The following CLSTN2 variants were observed in gnomAD, a reference collection of about 807,000 sequenced individuals.
The protein encoded by CLSTN2 is calsyntenin 2, also known as calsyntenin-2.
A neutral mutation model predicts 101.2 loss-of-function variants in CLSTN2; 48 were observed. The ratio of observed to expected loss-of-function variants is 0.47; its 90% CI spans 0.38 to 0.60. The LOEUF is 0.60. Among genes scored for constraint, CLSTN2 ranks in the 20% least tolerant of loss-of-function variants. The probability of loss-of-function intolerance (pLI) is 0.00; values close to 1 mark genes in which losing one functional copy is unlikely to be tolerated. For synonymous variants in CLSTN2, 481 were observed against 463.6 expected, an observed-to-expected ratio of 1.04 and a Z score of -0.48; for missense variants, 1,160 against 1,238.2, an observed-to-expected ratio of 0.94 and a Z score of 0.95.
chr3:140,345,334 T>C (rs10935378), intron 2 of CLSTN2, among the ~76,000 whole-genome samples: 83,370 of 149,726 alleles, frequency 0.56, 23,921 homozygotes, highest in Non-Finnish European at 0.63. Flanking sequence ...CTGCAACCTA[T>C]GCCTCCCCGG....
At position 140,562,799 on chromosome 3, in the gene CLSTN2, C is replaced by T; in HGVS notation, c.2213-12C>T. ...TCTGCCTTCTGATGACAGGTGTGGT[C>T]TCTTGGCACAGGTGTGGGCTCCATG... On this transcript the variant is annotated splice_polypyrimidine_tract_variant and intron_variant, in intron 13 of 16. Coordinates refer to ENST00000458420, the MANE Select transcript of CLSTN2 (RefSeq NM_022131.3). 6.2e-7 allele frequency: 1 copy of T among 1,613,296 alleles called. No homozygotes were observed. Among genetic ancestry groups the T allele is most frequent in the Non-Finnish European group, 8.5e-7 (1 of 1,179,798 alleles).
chr3:140,549,763 T>C (rs1935670691), intron 10 of CLSTN2, among the ~76,000 whole-genome samples: 1 of 149,446 alleles, frequency 6.7e-6, no homozygotes, highest in Non-Finnish European at 1.5e-5. Context: ...TACTATTTTA[T>C]TGGACAGTTA....
chr3:140,172,831 A>G (rs565649860), intron 1 of CLSTN2, among the ~76,000 whole-genome samples: 1 of 152,300 alleles, frequency 6.6e-6, no homozygotes, highest in African/African-American at 2.4e-5. Context: ...TCACTACCAC[A>G]AGAATAGTAT....
intron 1 of CLSTN2, among the ~76,000 whole-genome samples, chr3:140,070,234 T>C (rs114835842): frequency 1.3e-4 from 20 of 152,374 alleles, no homozygotes; most frequent in Admixed American, 3.3e-4. Context: ...AGAATGAATG[T>C]TGATCTTGAA....
At chr3:140,519,256 T>A (rs1934980115) in intron 8 of CLSTN2, among the ~76,000 whole-genome samples, 1 of 152,222 alleles carries the variant, frequency 6.6e-6, no homozygotes, top group Non-Finnish European at 1.5e-5. Context: ...GATTATGTGA[T>A]CAATTCTAGA....
intron 1 of CLSTN2, among the ~76,000 whole-genome samples, chr3:140,059,354 G>A (rs1277181588): frequency 1.3e-5 from 2 of 152,100 alleles, no homozygotes; most frequent in African/African-American, 4.8e-5. Context: ...GCCTGGAACT[G>A]TGCTGGGAAC....
intron 1 of CLSTN2, among the ~76,000 whole-genome samples, chr3:140,167,505 C>G (rs2010152251): frequency 6.6e-6 from 1 of 152,162 alleles, no homozygotes; most frequent in Admixed American, 6.6e-5. Context: ...TCTGGGAGTC[C>G]TTTGAGTACT....
rs185182100 is a variant in CLSTN2, at chr3:140,501,495, G to T, written c.1345-30829G>T. On this transcript the variant is annotated intron_variant, in intron 8 of 16. Transcript: ENST00000458420. ...CCTCTCCCAGACAAACTCTGTAAGA[G>T]CTCCACAGTGGGTTAATGGGAGCTC... is the stretch of plus-strand genomic sequence containing the variant. Among the ~76,000 whole-genome samples the T allele has an allele frequency of 2.4e-3, 362 of 152,330 alleles. 5 individuals are homozygous for T. Among genetic ancestry groups the T allele is most frequent in the African/African-American group, 8.2e-3 (342 of 41,572 alleles).
intron 1 of CLSTN2, among the ~76,000 whole-genome samples, chr3:140,046,631 T>A (rs901629515): frequency 3.3e-5 from 5 of 150,530 alleles, no homozygotes; most frequent in African/African-American, 1.3e-4. Context: ...CAATTTGGCA[T>A]GTTTTTGCAG....
chr3:140,504,236 G>A (rs904961424), intron 8 of CLSTN2, among the ~76,000 whole-genome samples: 4 of 152,086 alleles, frequency 2.6e-5, no homozygotes, highest in Admixed American at 2.6e-4. Flanking sequence ...GAGGTTTATG[G>A]ACCTTTTCAT....
At chr3:140,277,182 G>A (rs1418467167) in intron 2 of CLSTN2, among the ~76,000 whole-genome samples, 2 of 152,218 alleles carry the variant, frequency 1.3e-5, no homozygotes, top group African/African-American at 4.8e-5. Context: ...GGTTATGTCT[G>A]TTATGAGTAC....
rs555693773 is a variant in CLSTN2 at position 140,357,782 on chromosome 3, TATC to T, written c.233-45843_233-45841del. The stretch of plus-strand genomic sequence containing the variant: ...GTGCAGAGGAGTATGGTTTAGATGC[TATC>T]ATCTTCAGCATGGCCCAGGGTCACC... On this transcript the variant is annotated intron_variant, in intron 2 of 16. Transcript: ENST00000458420. Among the ~76,000 whole-genome samples, 638 of 152,300 alleles carry T rather than the reference TATC, an allele frequency of 4.2e-3. 2 individuals are homozygous for T. Among genetic ancestry groups the T allele is most frequent in the African/African-American group, 0.014 (585 of 41,570 alleles).
chr3:140,108,689 C>T (rs1457123698), intron 1 of CLSTN2, among the ~76,000 whole-genome samples: 1 of 152,134 alleles, frequency 6.6e-6, no homozygotes, highest in East Asian at 1.9e-4. Flanking sequence ...TGAGATGCAG[C>T]TTGTTTCATC....
intron 2 of CLSTN2, among the ~76,000 whole-genome samples, chr3:140,282,078 A>C (rs2086852764): frequency 6.6e-6 from 1 of 152,178 alleles, no homozygotes; most frequent in Non-Finnish European, 1.5e-5. Flanking sequence ...TGAACCTATG[A>C]GGTACACTTA....
chr3:140,252,722 C>T (rs372955239), intron 2 of CLSTN2, among the ~76,000 whole-genome samples: 1 of 152,314 alleles, frequency 6.6e-6, no homozygotes, highest in Admixed American at 6.5e-5. Context: ...AGGAGCACAA[C>T]CCTGTAAGGG....
intron 1 of CLSTN2, among the ~76,000 whole-genome samples, chr3:140,038,557 T>C (rs2007703740): frequency 6.6e-6 from 1 of 152,178 alleles, no homozygotes. Context: ...CTAGACCCCA[T>C]TTATCAATTT....
intron 5 of CLSTN2, among the ~76,000 whole-genome samples, chr3:140,442,511 G>T (rs1932952591): frequency 6.6e-6 from 1 of 152,052 alleles, no homozygotes; most frequent in African/African-American, 2.4e-5. Flanking sequence ...GGTTATCCCT[G>T]AATCTGAATC....
chr3:140,532,514 G>C (rs777913859), intron 9 of CLSTN2, 28 bp downstream of exon 9: 14 of 1,592,138 alleles, frequency 8.8e-6, no homozygotes, highest in Non-Finnish European at 1.1e-5. Context: ...CCTTTTCTCT[G>C]ACCTGTTTGT....
chr3:140,462,056 A>C (rs1300628601), intron 7 of CLSTN2, among the ~76,000 whole-genome samples: 1 of 149,320 alleles, frequency 6.7e-6, no homozygotes, highest in Non-Finnish European at 1.5e-5. Context: ...ACAGAAAAGC[A>C]TAAAAGAGAA....
Sources: gnomAD v4.1 joint callset for allele counts (sites outside exome capture counted in the v4.1 genomes callset) on GRCh38, gnomAD v4.1.1 for gene constraint, MANE v1.5 for transcripts, NCBI Gene and HGNC (gene_info 2026-07-23, HGNC 2026-07-21) for gene names.